The following SLC16A4 variants were observed in gnomAD, a reference collection of about 807,000 sequenced individuals.
SLC16A4 encodes solute carrier family 16 member 4.
A neutral mutation model predicts 47.9 loss-of-function variants in SLC16A4; 39 were observed. The observed-to-expected ratio is 0.81, with a 90% CI of 0.63 to 1.06. The LOEUF is 1.06. Ranked by LOEUF, SLC16A4 falls within the 50% of genes least tolerant of loss-of-function variation. The pLI is 0.00. For synonymous variants in SLC16A4, 189 were observed against 199.9 expected (o/e 0.95, Z 0.46); for missense variants, 524 against 573.8 (o/e 0.91, Z 0.89).
Position 110,389,369 on chromosome 1 carries a change from A to G in SLC16A4, c.-32-14T>C. On this transcript the variant is annotated splice_polypyrimidine_tract_variant and intron_variant, in intron 1 of 8. Coordinates refer to ENST00000369779, the MANE Select transcript of SLC16A4 (RefSeq NM_004696.3). ...TGCAGAAGATCCCTGTGATAAATCC[A>G]AGACAGTTGATTCAGTGGACCAGAA... The G allele has an allele frequency of 7.0e-7, 1 of 1,419,370 alleles. No individual in the cohort carries two copies. 87.9% of individuals were successfully genotyped at this position (1,419,370 alleles called of 1,614,324 possible).
Position 110,377,144 on chromosome 1 carries a change from T to C in SLC16A4, c.1048A>G (p.Ser350Gly). The C allele has an allele frequency of 1.2e-6, 2 of 1,613,990 alleles. No individual in the cohort carries two copies. Among genetic ancestry groups the C allele is most frequent in the South Asian group, 2.2e-5 (2 of 91,074 alleles). Reference sequence around the variant, plus strand: ...GCAACCCATCCAGAAATAATCTGACTGACCGTCTCAAGGATACCTGGAACA... The same window carrying C: ...GCAACCCATCCAGAAATAATCTGACCGACCGTCTCAAGGATACCTGGAACA... ...VSVAGILETV[S>G]QIISGWVADQ... The change falls in exon 7 of 9, where the codon AGT (serine) becomes GGT (glycine). Residue 350 changes from serine (S) to glycine (G), a missense_variant. Ser to Gly is a moderately conservative substitution (Grantham distance 56). Transcript: ENST00000369779.
Position 110,363,691 on chromosome 1 carries a change from C to A in SLC16A4, c.*75G>T. 7.5e-7 allele frequency: 1 copy of A among 1,330,252 alleles called. No individual in the cohort carries two copies. 82.4% of individuals were successfully genotyped at this position (1,330,252 alleles called of 1,614,324 possible). On this transcript the variant is annotated 3_prime_UTR_variant, in exon 9 of 9. Coordinates refer to ENST00000369779, the MANE Select transcript of SLC16A4 (RefSeq NM_004696.3). ...AAATGTAGATGCGATGTGTTTCTTTCAAGCTTTTGTTTCCAATGACATTAG... is the reference window on the plus strand; with the variant it reads ...AAATGTAGATGCGATGTGTTTCTTTAAAGCTTTTGTTTCCAATGACATTAG...
chr1:110,375,766 A>T (rs1036145543), intron 7 of SLC16A4, among the ~76,000 whole-genome samples: 39 of 152,346 alleles, frequency 2.6e-4, no homozygotes, highest in African/African-American at 8.7e-4. Flanking sequence ...GTTTATTAGT[A>T]AGAACACAAG....
intron 5 of SLC16A4, among the ~76,000 whole-genome samples, chr1:110,380,189 A>G (rs1662294829): frequency 6.6e-6 from 1 of 152,060 alleles, no homozygotes; most frequent in Non-Finnish European, 1.5e-5. Flanking sequence ...GCTTGCATTC[A>G]GCGTGTCCTG....
At chr1:110,382,760 T>A in intron 3 of SLC16A4, 74 bp downstream of exon 3, 14 of 1,351,228 alleles carry the variant, frequency 1.0e-5, no homozygotes, top group South Asian at 1.8e-5. Context: ...TCCTATTCAG[T>A]CTTGAATAGG....
intron 5 of SLC16A4, 133 bp from the exon 6 acceptor site, chr1:110,379,489 AC>A: frequency 1.2e-6 from 1 of 817,376 alleles, no homozygotes; most frequent in Non-Finnish European, 1.9e-6. Context: ...CTCCGATTTG[AC>A]TTATTAGTCA....
In SLC16A4 at chr1:110,369,356, T is replaced by C. The variant is rs371777505; in HGVS notation, c.1337-5463A>G. 1.1e-4 allele frequency among the ~76,000 whole-genome samples: 17 copies of C among 152,064 alleles called. No individual in the cohort carries two copies. The East Asian group carries it at 1.9e-3, about 17-fold the overall frequency. ...GGCTCACACCTGTAATCCCAGCACT[T>C]TGGGAGGCCGATGTGGGCGGATTGC... On this transcript the variant is annotated intron_variant, in intron 8 of 8. Transcript: ENST00000369779.
At chr1:110,380,952 T>C (rs747356481) in intron 5 of SLC16A4, 30 bp downstream of exon 5, 17 of 1,600,808 alleles carry the variant, frequency 1.1e-5, no homozygotes, top group South Asian at 8.8e-5. Flanking sequence ...TCTTGCACAG[T>C]TGATAGTAAA....
At chr1:110,382,331 C>T (rs1036584637) in intron 3 of SLC16A4, among the ~76,000 whole-genome samples, 2 of 151,922 alleles carry the variant, frequency 1.3e-5, no homozygotes, top group South Asian at 4.2e-4. Context: ...TGGTGGCGGG[C>T]GCCTGTAATC....
At chr1:110,388,690 G>A (rs1662862886) in intron 2 of SLC16A4, among the ~76,000 whole-genome samples, 1 of 152,204 alleles carries the variant, frequency 6.6e-6, no homozygotes, top group Non-Finnish European at 1.5e-5. Flanking sequence ...GATAGGAAGA[G>A]TAGATGACTG....
At chr1:110,373,562 T>G (rs1439455401) in intron 8 of SLC16A4, among the ~76,000 whole-genome samples, 1 of 152,174 alleles carries the variant, frequency 6.6e-6, no homozygotes, top group African/African-American at 2.4e-5. Context: ...GGAAGGGGTG[T>G]GTTCATAAAT....
chr1:110,389,238 A>G lies in SLC16A4; in HGVS notation c.86T>C (p.Leu29Pro), dbSNP rs746711332. Residue 29 changes from leucine (L) to proline (P), a missense_variant and splice_region_variant, in exon 2 of 9, where the codon CTG becomes CCG. Transcript: ENST00000369779. ...WGWMIVIHFF[L>P]VNVFVMGMTK... The stretch of plus-strand genomic sequence containing the variant: ...AGGGGGAAAAAAGTGAATTCTTACC[A>G]GGAAAAAATGAATCACAATCATCCA... 10 of 1,613,086 alleles carry G rather than the reference A, an allele frequency of 6.2e-6. No homozygotes were observed. Among genetic ancestry groups the G allele is most frequent in the Non-Finnish European group, 8.5e-6 (10 of 1,179,116 alleles).
At chr1:110,383,852 T>C (rs2361308) in intron 2 of SLC16A4, among the ~76,000 whole-genome samples, 8,954 of 135,658 alleles carry the variant, frequency 0.066, 520 homozygotes, top group Admixed American at 0.13. Context: ...TGTTAGTTTC[T>C]CTTTCAAAGT....
In SLC16A4 at chr1:110,378,934, T is replaced by A; in HGVS notation, c.949A>T (p.Ile317Phe). The change falls in exon 6 of 9, where the codon ATC (isoleucine) becomes TTC (phenylalanine). Residue 317 changes from isoleucine (I) to phenylalanine (F), a missense_variant. Transcript: ENST00000369779. ...SFLLSQLAYF[I>F]PTFHLVARAK... is the part of the protein sequence containing the mutation. ...CTGGCTACCAGGTGAAAGGTAGGGA[T>A]GAAGTATGCTAACTGACTGAGGAGA... 6.2e-7 allele frequency: 1 copy of A among 1,614,160 alleles called. No homozygotes were observed. The highest frequency in any genetic ancestry group is 8.5e-7 in the Non-Finnish European group (1 of 1,180,028).
intron 8 of SLC16A4, 129 bp downstream of exon 8, chr1:110,375,329 A>T (rs1384935201): frequency 7.7e-6 from 5 of 651,664 alleles, no homozygotes; most frequent in Non-Finnish European, 1.4e-5. Context: ...GAGTGAGTAG[A>T]TATAGGAAAA....
chr1:110,370,911 A>T (rs1333579957), intron 8 of SLC16A4: 1 of 152,240 alleles, frequency 6.6e-6, no homozygotes, highest in South Asian at 2.1e-4. Context: ...TCAGGTGTTC[A>T]GTTAATGAAG....
chr1:110,385,074 G>A (rs1204507948), intron 2 of SLC16A4, among the ~76,000 whole-genome samples: 2 of 151,992 alleles, frequency 1.3e-5, no homozygotes, highest in African/African-American at 2.4e-5. Flanking sequence ...CCACTTTCTC[G>A]GCCCGCCTGT....
At chr1:110,368,507 A>G (rs1010339633) in intron 8 of SLC16A4, among the ~76,000 whole-genome samples, 1 of 152,218 alleles carries the variant, frequency 6.6e-6, no homozygotes. Context: ...TCTGTCAAGC[A>G]TAACTCCATC....
At chr1:110,364,328 G>A (rs1661248805) in intron 8 of SLC16A4, among the ~76,000 whole-genome samples, 1 of 151,794 alleles carries the variant, frequency 6.6e-6, no homozygotes, top group Non-Finnish European at 1.5e-5. Flanking sequence ...AAACAGATAC[G>A]GTCCTTGCCC....
Sources: allele counts gnomAD v4.1 joint callset (sites outside exome capture counted in the v4.1 genomes callset), GRCh38; gene constraint gnomAD v4.1.1; transcripts MANE v1.5; gene names NCBI Gene and HGNC (gene_info 2026-07-23, HGNC 2026-07-21).